TTLL5: variants seen among roughly 807,000 people sequenced by gnomAD.
TTLL5 encodes tubulin tyrosine ligase like 5.
TTLL5 carries 132 observed loss-of-function variants against 168.4 expected under a neutral mutation model. That is an observed-to-expected ratio of 0.78 (90% CI 0.68 to 0.91). TTLL5 has a LOEUF of 0.91. Ranked by LOEUF, TTLL5 falls within the 40% of genes least tolerant of loss-of-function variation. TTLL5 has a pLI of 0.00. For synonymous variants in TTLL5, 546 were observed against 558.6 expected, an observed-to-expected ratio of 0.98 and a Z score of 0.32; for missense variants, 1,545 against 1,581.5, an observed-to-expected ratio of 0.98 and a Z score of 0.39.
At chr14:75,738,949 T>G (rs1232177293) in intron 15 of TTLL5, among the ~76,000 whole-genome samples, 1 of 151,994 alleles carries the variant, frequency 6.6e-6, no homozygotes, top group Non-Finnish European at 1.5e-5. Flanking sequence ...GGACTACAGG[T>G]GCACACCACC....
chr14:75,794,962 CTAG>C (rs1892921633), intron 27 of TTLL5, among the ~76,000 whole-genome samples: 1 of 152,146 alleles, frequency 6.6e-6, no homozygotes, highest in Non-Finnish European at 1.5e-5. Context: ...CTGACACTGA[CTAG>C]CTGTGTGATC....
chr14:75,782,286 G>A (rs1595031052), intron 24 of TTLL5, among the ~76,000 whole-genome samples: 1 of 152,264 alleles, frequency 6.6e-6, no homozygotes, highest in Non-Finnish European at 1.5e-5. Context: ...CTGGGATTGG[G>A]AATAGCTGGG....
intron 29 of TTLL5, among the ~76,000 whole-genome samples, chr14:75,874,933 C>CTTTTTTTTT (rs1555353208): frequency 0.01 from 993 of 97,462 alleles, 37 homozygotes; most frequent in Middle Eastern, 0.045. Flanking sequence ...CACTGGGGGC[C>CTTTTTTTTT]TTTTTTTTTT....
intron 9 of TTLL5, among the ~76,000 whole-genome samples, chr14:75,709,016 T>A (rs1886855824): frequency 6.6e-6 from 1 of 152,190 alleles, no homozygotes. Context: ...CTTTATAAAT[T>A]TGTGTTGGGC....
At chr14:75,864,870 G>A (rs762038134) in intron 29 of TTLL5, among the ~76,000 whole-genome samples, 9 of 151,978 alleles carry the variant, frequency 5.9e-5, no homozygotes, top group Non-Finnish European at 1.3e-4. Flanking sequence ...ATTTCCCAAA[G>A]GTTTTTTCCT....
intron 31 of TTLL5, among the ~76,000 whole-genome samples, chr14:75,950,450 T>C (rs985144464): frequency 1.3e-5 from 2 of 152,210 alleles, no homozygotes; most frequent in African/African-American, 4.8e-5. Flanking sequence ...TAAGATGCCA[T>C]GAAGATATTG....
At chr14:75,683,681 C>T in intron 5 of TTLL5, 25 bp downstream of exon 5, 1 of 1,582,992 alleles carries the variant, frequency 6.3e-7, no homozygotes, top group Non-Finnish European at 8.7e-7. Context: ...AGCTGCTTTG[C>T]TTCATTTAAA....
intron 28 of TTLL5, among the ~76,000 whole-genome samples, chr14:75,850,952 G>A (rs1231425987): frequency 6.6e-6 from 1 of 151,910 alleles, no homozygotes; most frequent in African/African-American, 2.4e-5. Flanking sequence ...AAATTAGCCA[G>A]GTGTGTTAGC....
chr14:75,941,843 C>CTTTT (rs71122506), intron 31 of TTLL5, among the ~76,000 whole-genome samples: 6 of 69,400 alleles, frequency 8.6e-5, no homozygotes, highest in Non-Finnish European at 1.3e-4. Context: ...TCATGATGAA[C>CTTTT]TTTTTTTTTT....
intron 3 of TTLL5, among the ~76,000 whole-genome samples, chr14:75,678,340 A>G (rs1400269960): frequency 6.6e-6 from 1 of 152,198 alleles, no homozygotes; most frequent in East Asian, 1.9e-4. Context: ...TGCATGCCCT[A>G]ATACATTATT....
chr14:75,911,001 G>T (rs1248810960), intron 31 of TTLL5, among the ~76,000 whole-genome samples: 1 of 151,978 alleles, frequency 6.6e-6, no homozygotes, highest in South Asian at 2.1e-4. Context: ...GTTGTTGGGG[G>T]GTGGGTGGTT....
intron 17 of TTLL5, among the ~76,000 whole-genome samples, chr14:75,745,809 A>G (rs1164261068): frequency 1.3e-5 from 2 of 152,024 alleles, no homozygotes; most frequent in South Asian, 2.1e-4. Context: ...CTAGCTTCCT[A>G]TCCCAGGGTT....
chr14:75,814,628 G>A (rs953336191), intron 27 of TTLL5: 1 of 152,162 alleles, frequency 6.6e-6, no homozygotes, highest in African/African-American at 2.4e-5. Flanking sequence ...TTTGTTCAGT[G>A]ACTCCTTCTG....
At chr14:75,911,826 T>C (rs868494508) in intron 31 of TTLL5, among the ~76,000 whole-genome samples, 18 of 152,232 alleles carry the variant, frequency 1.2e-4, no homozygotes, top group Non-Finnish European at 1.0e-4. Flanking sequence ...ATATTTATTC[T>C]TCCTTTTTAG....
intron 31 of TTLL5, among the ~76,000 whole-genome samples, chr14:75,926,369 G>A (rs143181919): frequency 0.039 from 5,937 of 151,764 alleles, 295 homozygotes; most frequent in African/African-American, 0.11. Flanking sequence ...ATATTGTTAC[G>A]TGTGAATTTG....
At chr14:75,893,817 C>CAAAAAAAAAAAAAAAAAA in intron 30 of TTLL5, among the ~76,000 whole-genome samples, 1 of 71,618 alleles carries the variant, frequency 1.4e-5, no homozygotes, top group Non-Finnish European at 2.5e-5. Context: ...GACTCCATCT[C>CAAAAAAAAAAAAAAAAAA]AAAAAAAAAA....
intron 31 of TTLL5, among the ~76,000 whole-genome samples, chr14:75,904,711 C>G (rs1299714401): frequency 6.6e-6 from 1 of 152,168 alleles, no homozygotes; most frequent in Non-Finnish European, 1.5e-5. Context: ...TTTATGGTAA[C>G]AAGCAGATCA....
chr14:75,950,394 A>T lies in TTLL5; in HGVS notation c.3824-4030A>T, dbSNP rs185926764. Among the ~76,000 whole-genome samples the T allele has an allele frequency of 1.5e-3, 221 of 152,334 alleles. 1 individual carries two copies. The highest frequency in any genetic ancestry group is 3.4e-3 in the Middle Eastern group (1 of 294). On this transcript the variant is annotated intron_variant, in intron 31 of 31. Coordinates refer to ENST00000298832, the MANE Select transcript of TTLL5 (RefSeq NM_015072.5). ...ATCCAATCCAGAAAGTGCAAACCAT[A>T]AAGGTAAAAACTGATAAATTTGACC...
At chr14:75,729,303 T>C (rs1022127173) in intron 12 of TTLL5, among the ~76,000 whole-genome samples, 1 of 152,142 alleles carries the variant, frequency 6.6e-6, no homozygotes, top group Non-Finnish European at 1.5e-5. Context: ...GTGTATCTCA[T>C]TGTGGATACT....
Sources: allele counts gnomAD v4.1 joint callset (sites outside exome capture counted in the v4.1 genomes callset), GRCh38; gene constraint gnomAD v4.1.1; transcripts MANE v1.5; gene names NCBI Gene and HGNC (gene_info 2026-07-23, HGNC 2026-07-21).